Variants in PSD3 observed in about 807,000 individuals in gnomAD.
The protein encoded by PSD3 is PH and SEC7 domain-containing protein 3.
A neutral mutation model predicts 105.5 loss-of-function variants in PSD3; 49 were observed. The ratio of observed to expected loss-of-function variants is 0.46; its 90% confidence interval spans 0.37 to 0.59. The LOEUF is 0.59. Among genes scored for constraint, PSD3 ranks in the 20% least tolerant of loss-of-function variants. PSD3 has a pLI of 0.00. For synonymous variants in PSD3, 557 were observed against 457.8 expected (o/e 1.22, Z -2.77); for missense variants, 1,561 against 1,263.8 (o/e 1.24, Z -3.57).
intron 9 of PSD3, among the ~76,000 whole-genome samples, chr8:18,663,315 TA>T (rs1419563394): frequency 1.3e-5 from 2 of 151,950 alleles, no homozygotes; most frequent in African/African-American, 2.4e-5. Flanking sequence ...TAGTCCCAGC[TA>T]CTTAGAGGCT....
At chr8:18,946,773 G>A (rs1447066885) in intron 1 of PSD3, among the ~76,000 whole-genome samples, 1 of 151,200 alleles carries the variant, frequency 6.6e-6, no homozygotes, top group Non-Finnish European at 1.5e-5. Context: ...GGTGCTGGGG[G>A]GAGTGCCGGT....
At chr8:18,599,524 A>G (rs1231484143) in intron 12 of PSD3, among the ~76,000 whole-genome samples, 1 of 152,178 alleles carries the variant, frequency 6.6e-6, no homozygotes, top group African/African-American at 2.4e-5. Context: ...TATGTGCTAC[A>G]GTAGGCTCCC....
chr8:18,586,770 G>A (rs6992868), intron 12 of PSD3, among the ~76,000 whole-genome samples: 9,796 of 152,172 alleles, frequency 0.064, 389 homozygotes, highest in African/African-American at 0.1. Context: ...AGGCCGAGAC[G>A]TTGGCAGCCG....
intron 1 of PSD3, among the ~76,000 whole-genome samples, chr8:19,040,053 T>A (rs1189203657): frequency 6.6e-6 from 1 of 152,034 alleles, no homozygotes; most frequent in Non-Finnish European, 1.5e-5. Flanking sequence ...AATGAGGGAA[T>A]GCACCACACA....
At chr8:18,936,857 G>A (rs1415427032) in intron 1 of PSD3, among the ~76,000 whole-genome samples, 1 of 151,980 alleles carries the variant, frequency 6.6e-6, no homozygotes, top group East Asian at 1.9e-4. Flanking sequence ...TCTTTGTGTG[G>A]CTTCTGTTAA....
At chr8:18,820,918 T>G (rs1812647308) in intron 4 of PSD3, among the ~76,000 whole-genome samples, 1 of 152,102 alleles carries the variant, frequency 6.6e-6, no homozygotes, top group Admixed American at 6.6e-5. Context: ...CTCAGCTAAT[T>G]TTTAAAATGT....
chr8:18,921,346 T>A (rs577673633), intron 2 of PSD3, among the ~76,000 whole-genome samples: 1 of 152,242 alleles, frequency 6.6e-6, no homozygotes, highest in Non-Finnish European at 1.5e-5. Context: ...ACACAATGGT[T>A]CTCGAGCCTG....
intron 1 of PSD3, among the ~76,000 whole-genome samples, chr8:19,045,072 C>T (rs1423193564): frequency 6.6e-6 from 1 of 152,126 alleles, no homozygotes; most frequent in East Asian, 1.9e-4. Flanking sequence ...GTAGTCCCAG[C>T]TACTTGGGAG....
rs1158241242 is a variant in PSD3, at chr8:18,892,674, G to C, written c.131-19941C>G. On this transcript the variant is annotated intron_variant, in intron 2 of 15. Transcript: ENST00000327040. ...GGGCCTCACTCTGTCATCCAGGCTG[G>C]AGTGCCGTGGCGTCATCTTGGCTCA... Among the ~76,000 whole-genome samples the C allele has an allele frequency of 2.0e-5, 3 of 148,896 alleles. 1 individual carries two copies. The highest frequency in any genetic ancestry group is 3.0e-5 in the Non-Finnish European group (2 of 67,572).
At chr8:18,937,284 G>T (rs17127474) in intron 1 of PSD3, among the ~76,000 whole-genome samples, 17 of 152,254 alleles carry the variant, frequency 1.1e-4, no homozygotes, top group Non-Finnish European at 2.1e-4. Context: ...CATTAACCAG[G>T]ATACAGATAT....
At chr8:18,751,362 A>G (rs1413027431) in intron 9 of PSD3, among the ~76,000 whole-genome samples, 2 of 152,152 alleles carry the variant, frequency 1.3e-5, no homozygotes, top group East Asian at 3.9e-4. Context: ...GCCACATAAT[A>G]TTTTGCTCAA....
intron 1 of PSD3, chr8:18,989,177 G>A (rs1443190893): frequency 6.6e-6 from 1 of 152,182 alleles, no homozygotes; most frequent in Non-Finnish European, 1.5e-5. Context: ...AATAACCAGT[G>A]AGCACCTCCT....
intron 4 of PSD3, among the ~76,000 whole-genome samples, chr8:18,853,891 C>T (rs185365204): frequency 2.0e-5 from 3 of 152,244 alleles, no homozygotes; most frequent in Non-Finnish European, 4.4e-5. Context: ...ACATTGTAGA[C>T]CCTGTAATAA....
intron 2 of PSD3, among the ~76,000 whole-genome samples, chr8:18,896,853 C>T (rs1819182340): frequency 6.6e-6 from 1 of 151,938 alleles, no homozygotes; most frequent in Non-Finnish European, 1.5e-5. Flanking sequence ...TCTTGTTGCC[C>T]AGGCTGGAGT....
intron 8 of PSD3, among the ~76,000 whole-genome samples, chr8:18,773,103 C>T (rs754142585): frequency 8.5e-5 from 13 of 152,094 alleles, no homozygotes; most frequent in Admixed American, 2.6e-4. Context: ...CATACAATAA[C>T]GTGATGTTTT....
At chr8:19,067,406 C>T (rs1337292972) in intron 1 of PSD3, among the ~76,000 whole-genome samples, 1 of 152,158 alleles carries the variant, frequency 6.6e-6, no homozygotes, top group Non-Finnish European at 1.5e-5. Flanking sequence ...CATCATTGCA[C>T]CAAGAGTCAT....
At chr8:18,611,893 T>TA (rs1421114133) in intron 11 of PSD3, among the ~76,000 whole-genome samples, 2 of 152,182 alleles carry the variant, frequency 1.3e-5, no homozygotes, top group Admixed American at 1.3e-4. Context: ...TGCAAATGAC[T>TA]AAAAGGCAGC....
At chr8:18,641,864 C>T (rs78955169) in intron 10 of PSD3, among the ~76,000 whole-genome samples, 259 of 146,360 alleles carry the variant, frequency 1.8e-3, no homozygotes, top group East Asian at 5.3e-3. Context: ...CATTATACCA[C>T]GAGGCAGGAT....
intron 2 of PSD3, among the ~76,000 whole-genome samples, chr8:18,873,990 G>A (rs1817561588): frequency 6.6e-6 from 1 of 152,048 alleles, no homozygotes; most frequent in African/African-American, 2.4e-5. Flanking sequence ...TTTCAATTGG[G>A]GGTTTACAGA....
Sources: allele counts gnomAD v4.1 joint callset (sites outside exome capture counted in the v4.1 genomes callset), GRCh38; gene constraint gnomAD v4.1.1; transcripts MANE v1.5; gene names NCBI Gene and HGNC (gene_info 2026-07-23, HGNC 2026-07-21).